The following MRPL13 variants were observed in gnomAD, a reference collection of about 807,000 sequenced individuals.
The protein encoded by MRPL13 is mitochondrial ribosomal protein L13.
Under a neutral mutation model 29.0 loss-of-function variants are expected in MRPL13, and 33 were observed. The observed-to-expected ratio is 1.14, with a 90% CI of 0.86 to 1.52. The LOEUF is 1.52. Among genes scored for constraint, MRPL13 ranks in the 40% most tolerant of loss-of-function variants. The pLI is 0.00. For synonymous variants in MRPL13, 77 were observed against 68.4 expected, an observed-to-expected ratio of 1.13 and a Z score of -0.62; for missense variants, 227 against 216.7, an observed-to-expected ratio of 1.05 and a Z score of -0.30.
At chr8:120,426,816 G>C (rs934533934) in intron 3 of MRPL13, among the ~76,000 whole-genome samples, 18 of 152,176 alleles carry the variant, frequency 1.2e-4, no homozygotes, top group Middle Eastern at 6.8e-3. Flanking sequence ...TATCATGCTG[G>C]AACTGGGGAC....
chr8:120,410,489 A>AT (rs1320606403), intron 6 of MRPL13, among the ~76,000 whole-genome samples: 1 of 152,188 alleles, frequency 6.6e-6, no homozygotes, highest in African/African-American at 2.4e-5. Flanking sequence ...AAATATTTTA[A>AT]TTCTAATTCT....
intron 2 of MRPL13, among the ~76,000 whole-genome samples, chr8:120,440,608 C>CA (rs1201388855): frequency 4.0e-5 from 5 of 125,292 alleles, no homozygotes; most frequent in Non-Finnish European, 6.6e-5. Context: ...CTCTCTCTCT[C>CA]AAAAAAAAAA....
intron 5 of MRPL13, 152 bp downstream of exon 5, chr8:120,419,700 T>G: frequency 2.3e-6 from 1 of 438,918 alleles, no homozygotes; most frequent in East Asian, 3.8e-5. Context: ...TTATCATTTT[T>G]TATACATACA....
chr8:120,435,974 T>C (rs1349393939), intron 2 of MRPL13, among the ~76,000 whole-genome samples: 1 of 152,080 alleles, frequency 6.6e-6, no homozygotes, highest in Admixed American at 6.6e-5. Flanking sequence ...TTTTATAGGG[T>C]TGTTTTTTGC....
At chr8:120,432,279 T>C (rs1000906153) in intron 2 of MRPL13, among the ~76,000 whole-genome samples, 156 bp from the exon 3 acceptor site, 2 of 152,150 alleles carry the variant, frequency 1.3e-5, no homozygotes, top group African/African-American at 4.8e-5. Flanking sequence ...AATAGATTTC[T>C]GTTACTTTTT....
At chr8:120,441,757 A>G (rs1813127124) in intron 2 of MRPL13, among the ~76,000 whole-genome samples, 1 of 152,160 alleles carries the variant, frequency 6.6e-6, no homozygotes, top group South Asian at 2.1e-4. Flanking sequence ...AGACCATCTA[A>G]ATAAAGTACT....
chr8:120,407,416 G>A (rs944507490), intron 6 of MRPL13, among the ~76,000 whole-genome samples: 3 of 152,040 alleles, frequency 2.0e-5, no homozygotes, highest in African/African-American at 7.2e-5. Context: ...GGAGGCCGAG[G>A]TGGGCAGATC....
intron 5 of MRPL13, chr8:120,414,641 AT>A (rs1416511012): frequency 6.6e-6 from 1 of 152,182 alleles, no homozygotes; most frequent in Admixed American, 6.6e-5. Context: ...TCAGCTTAAA[AT>A]TTTTCAGGAT....
chr8:120,412,501 A>G (rs1339395027), intron 6 of MRPL13, among the ~76,000 whole-genome samples: 1 of 152,208 alleles, frequency 6.6e-6, no homozygotes, highest in Non-Finnish European at 1.5e-5. Context: ...CTGAGTTGAG[A>G]TGAAGAAACT....
chr8:120,430,632 A>C (rs1256390031), intron 3 of MRPL13, among the ~76,000 whole-genome samples: 22 of 152,180 alleles, frequency 1.4e-4, no homozygotes, highest in Admixed American at 1.4e-3. Flanking sequence ...CCTCACTGTC[A>C]GGGGAACAAC....
At chr8:120,401,025 A>G (rs1812589697) in intron 6 of MRPL13, among the ~76,000 whole-genome samples, 1 of 152,126 alleles carries the variant, frequency 6.6e-6, no homozygotes, top group South Asian at 2.1e-4. Context: ...CCAACCAAAA[A>G]ACAAACCCAC....
At chr8:120,443,155 G>T in intron 2 of MRPL13, 30 bp downstream of exon 2, 1 of 1,485,866 alleles carries the variant, frequency 6.7e-7, no homozygotes, top group Non-Finnish European at 9.0e-7. Flanking sequence ...AAACTACAGT[G>T]GTTAATGACA....
intron 2 of MRPL13, among the ~76,000 whole-genome samples, chr8:120,439,435 C>T (rs13261783): frequency 6.6e-6 from 1 of 152,108 alleles, no homozygotes; most frequent in Non-Finnish European, 1.5e-5. Flanking sequence ...TATCTTTAAA[C>T]AGAAACACAC....
At chr8:120,436,038 C>A (rs527305771) in intron 2 of MRPL13, among the ~76,000 whole-genome samples, 25 of 152,088 alleles carry the variant, frequency 1.6e-4, no homozygotes, top group African/African-American at 6.0e-4. Context: ...CAATCTTATG[C>A]TCTAGTTGAA....
At chr8:120,434,491 T>C (rs1324430520) in intron 2 of MRPL13, among the ~76,000 whole-genome samples, 1 of 152,058 alleles carries the variant, frequency 6.6e-6, no homozygotes, top group African/African-American at 2.4e-5. Context: ...TAAAGTTAAG[T>C]TTCAAATACA....
intron 6 of MRPL13, among the ~76,000 whole-genome samples, chr8:120,402,344 C>G (rs1479811258): frequency 6.6e-6 from 1 of 152,062 alleles, no homozygotes; most frequent in African/African-American, 2.4e-5. Context: ...AGAAATAAGA[C>G]CACATGCCTA....
intron 4 of MRPL13, among the ~76,000 whole-genome samples, chr8:120,422,104 C>T (rs1812879989): frequency 6.6e-6 from 1 of 151,468 alleles, no homozygotes; most frequent in Non-Finnish European, 1.5e-5. Context: ...AATAGTAAAT[C>T]ATGAAACTTT....
chr8:120,396,462 T>C (rs1203798116), intron 6 of MRPL13, among the ~76,000 whole-genome samples: 1 of 152,140 alleles, frequency 6.6e-6, no homozygotes, highest in Non-Finnish European at 1.5e-5. Flanking sequence ...ACTATAATCT[T>C]TAAGAGTTTA....
At chr8:120,425,917 A>G (rs1812926862) in intron 3 of MRPL13, among the ~76,000 whole-genome samples, 1 of 152,120 alleles carries the variant, frequency 6.6e-6, no homozygotes, top group Non-Finnish European at 1.5e-5. Flanking sequence ...ATAAAATGAA[A>G]AAAAGTGGCA....
Sources: gnomAD v4.1 joint callset for allele counts (sites outside exome capture counted in the v4.1 genomes callset) on GRCh38, gnomAD v4.1.1 for gene constraint, MANE v1.5 for transcripts, NCBI Gene and HGNC (gene_info 2026-07-23, HGNC 2026-07-21) for gene names.